The following NEGR1 variants were observed in gnomAD, a reference collection of about 807,000 sequenced individuals.
The protein encoded by NEGR1 is IgLON family member 4.
In NEGR1, 10 loss-of-function variants were observed where a neutral mutation model predicts 40.9. The ratio of observed to expected loss-of-function variants is 0.24; its 90% CI spans 0.15 to 0.42. The LOEUF is 0.42. Ranked by LOEUF, NEGR1 falls within the 10% of genes least tolerant of loss-of-function variation. The probability of loss-of-function intolerance (pLI) is 1.00; values close to 1 mark genes in which losing one functional copy is unlikely to be tolerated. For missense variants in NEGR1, 352 were observed against 438.9 expected (o/e 0.80, Z 1.77); for synonymous variants, 185 against 166.8 (o/e 1.11, Z -0.84).
chr1:71,795,780 AGTATGAAAT>A (rs746200652), intron 2 of NEGR1, among the ~76,000 whole-genome samples: 7 of 152,208 alleles, frequency 4.6e-5, no homozygotes, highest in Non-Finnish European at 1.0e-4. Context: ...AGAATTGTGC[AGTATGAAAT>A]TATGATACCA....
At chr1:71,911,759 A>T (rs141196026) in intron 2 of NEGR1, among the ~76,000 whole-genome samples, 4 of 152,202 alleles carry the variant, frequency 2.6e-5, no homozygotes, top group Non-Finnish European at 5.9e-5. Flanking sequence ...TTGTGTCAAG[A>T]AAGTTTGATA....
At chr1:71,642,989 A>T (rs1351065985) in intron 4 of NEGR1, among the ~76,000 whole-genome samples, 1 of 151,954 alleles carries the variant, frequency 6.6e-6, no homozygotes, top group Non-Finnish European at 1.5e-5. Flanking sequence ...GAAAGTTCAT[A>T]ATAAAGAAGG....
At chr1:72,077,361 C>T (rs1410367074) in intron 1 of NEGR1, among the ~76,000 whole-genome samples, 1 of 151,970 alleles carries the variant, frequency 6.6e-6, no homozygotes, top group Admixed American at 6.6e-5. Flanking sequence ...GCAGCTAGAC[C>T]CAATGTTAAC....
chr1:71,717,280 A>G (rs2794305), intron 3 of NEGR1, among the ~76,000 whole-genome samples: 75,160 of 152,122 alleles, frequency 0.49, 18,926 homozygotes, highest in East Asian at 0.78. Context: ...ACTGGGTATC[A>G]GAAAATACTG....
chr1:71,503,281 G>A (rs576397081), intron 6 of NEGR1, among the ~76,000 whole-genome samples: 1 of 152,140 alleles, frequency 6.6e-6, no homozygotes, highest in Non-Finnish European at 1.5e-5. Context: ...CCTCATAGGA[G>A]GAGATAGGTT....
intron 1 of NEGR1, among the ~76,000 whole-genome samples, chr1:72,252,999 G>A (rs1655154595): frequency 6.6e-6 from 1 of 152,130 alleles, no homozygotes; most frequent in Admixed American, 6.5e-5. Flanking sequence ...TTCATTTAAA[G>A]GATCTTTTGC....
chr1:71,426,229 T>C (rs1646427495), intron 6 of NEGR1, among the ~76,000 whole-genome samples: 1 of 152,196 alleles, frequency 6.6e-6, no homozygotes, highest in African/African-American at 2.4e-5. Context: ...CTTGTGCCAT[T>C]TCTCCATTTA....
At chr1:72,279,513 T>C (rs753403247) in intron 1 of NEGR1, among the ~76,000 whole-genome samples, 1 of 152,208 alleles carries the variant, frequency 6.6e-6, no homozygotes, top group Non-Finnish European at 1.5e-5. Context: ...ATGAATGATA[T>C]GTAATTTGGT....
At chr1:71,666,912 C>T (rs1325935993) in intron 4 of NEGR1, among the ~76,000 whole-genome samples, 1 of 152,178 alleles carries the variant, frequency 6.6e-6, no homozygotes, top group Non-Finnish European at 1.5e-5. Flanking sequence ...AGAAAAATGT[C>T]TCATGACCTC....
chr1:72,094,629 C>A (rs1162070432), intron 1 of NEGR1, among the ~76,000 whole-genome samples: 1 of 152,134 alleles, frequency 6.6e-6, no homozygotes, highest in Non-Finnish European at 1.5e-5. Flanking sequence ...TCTCTTTACT[C>A]CCTACCACTG....
intron 1 of NEGR1, among the ~76,000 whole-genome samples, chr1:72,271,869 T>G (rs981616160): frequency 3.3e-5 from 5 of 151,824 alleles, no homozygotes; most frequent in African/African-American, 1.2e-4. Flanking sequence ...GACGGGTTTA[T>G]CAGGGCCTTC....
At chr1:71,485,551 G>C (rs372484324) in intron 6 of NEGR1, among the ~76,000 whole-genome samples, 4 of 151,626 alleles carry the variant, frequency 2.6e-5, no homozygotes, top group Admixed American at 1.3e-4. Context: ...CTCATCCACA[G>C]TATTTTCATT....
chr1:71,411,120 C>T (rs1473807111), intron 6 of NEGR1, among the ~76,000 whole-genome samples: 4 of 152,218 alleles, frequency 2.6e-5, no homozygotes, highest in South Asian at 2.1e-4. Flanking sequence ...GTTCAGTAAA[C>T]GTCAGTGCTT....
chr1:71,827,724 T>C (rs945117709), intron 2 of NEGR1, among the ~76,000 whole-genome samples: 9 of 151,896 alleles, frequency 5.9e-5, no homozygotes, highest in African/African-American at 2.2e-4. Flanking sequence ...GCTTTTTTGT[T>C]TTTTCTAAAA....
At chr1:71,453,246 A>G (rs1158798481) in intron 6 of NEGR1, among the ~76,000 whole-genome samples, 2 of 152,116 alleles carry the variant, frequency 1.3e-5, no homozygotes, top group Non-Finnish European at 2.9e-5. Context: ...CTAATCTTCT[A>G]CAAGTTCTGT....
chr1:72,245,319 T>C (rs2100520583), intron 1 of NEGR1, among the ~76,000 whole-genome samples: 1 of 152,202 alleles, frequency 6.6e-6, no homozygotes, highest in East Asian at 1.9e-4. Flanking sequence ...ATTCAGTATG[T>C]CAACTAATAT....
intron 6 of NEGR1, among the ~76,000 whole-genome samples, chr1:71,545,105 C>T (rs1647846229): frequency 6.6e-6 from 1 of 151,392 alleles, no homozygotes; most frequent in African/African-American, 2.4e-5. Context: ...ACAGCCTGCC[C>T]CCCAACCAAA....
At chr1:71,674,586 G>GTACA (rs66931601) in intron 4 of NEGR1, among the ~76,000 whole-genome samples, 19 of 146,806 alleles carry the variant, frequency 1.3e-4, no homozygotes, top group Admixed American at 6.2e-4. Context: ...TGCTGGGAGG[G>GTACA]CACACACACA....
At chr1:71,549,683 T>C (rs570502605) in intron 6 of NEGR1, among the ~76,000 whole-genome samples, 1 of 151,798 alleles carries the variant, frequency 6.6e-6, no homozygotes, top group Admixed American at 6.6e-5. Flanking sequence ...CAAAGCCCCA[T>C]GCTCTTAAGC....
Sources: allele counts gnomAD v4.1 joint callset (sites outside exome capture counted in the v4.1 genomes callset), GRCh38; gene constraint gnomAD v4.1.1; transcripts MANE v1.5; gene names NCBI Gene and HGNC (gene_info 2026-07-23, HGNC 2026-07-21).